Variants in SLC35A1 observed in about 807,000 individuals in gnomAD.
The protein encoded by SLC35A1 is solute carrier family 35 member A1.
Under a neutral mutation model 40.3 loss-of-function variants are expected in SLC35A1, and 21 were observed. The ratio of observed to expected loss-of-function variants is 0.52; its 90% CI spans 0.37 to 0.75. The LOEUF is 0.75. Ranked by LOEUF, SLC35A1 falls within the 30% of genes least tolerant of loss-of-function variation. The pLI, the probability that SLC35A1 is intolerant of heterozygous loss-of-function variation, is 0.00. For synonymous variants in SLC35A1, 146 were observed against 147.3 expected (o/e 0.99, Z 0.06); for missense variants, 297 against 382.1 (o/e 0.78, Z 1.86).
chr6:87,508,560 T>C lies in SLC35A1; in HGVS notation c.715T>C (p.Phe239Leu), dbSNP rs760842576. ...DGAEIKEKGF[F>L]YGYTYYVWFV... Reference sequence around the variant, plus strand: ...AGCTGAAATTAAAGAAAAAGGATTTTTCTATGGTTACACATATTATGTCTG... The same window carrying C: ...AGCTGAAATTAAAGAAAAAGGATTTCTCTATGGTTACACATATTATGTCTG... The change falls in exon 6 of 8, where the codon TTC (phenylalanine) becomes CTC (leucine). Residue 239 changes from phenylalanine to leucine, a missense_variant. By Grantham distance (22) the Phe-to-Leu change is conservative. Transcript: ENST00000369552. 1 of 1,613,230 alleles carries C rather than the reference T, an allele frequency of 6.2e-7. No individual in the cohort carries two copies. Among genetic ancestry groups the C allele is most frequent in the South Asian group, 1.1e-5 (1 of 91,046 alleles).
chr6:87,501,203 T>C lies in SLC35A1; in HGVS notation c.400T>C (p.Leu134=), dbSNP rs866423704. 8 of 1,613,988 alleles carry C rather than the reference T, an allele frequency of 5.0e-6. No homozygotes were observed. In the African/African-American group the frequency reaches 8.0e-5, roughly 16 times the overall value. The change falls in exon 4 of 8, where the codon TTA becomes CTA. Residue 134 remains leucine (L), a synonymous_variant. Transcript: ENST00000369552. ...TCCGTGTACTGCTTTATGCACTGTT[T>C]TAATGTTAAACCGGACACTCAGCAA... ...KIPCTALCTV[L]MLNRTLSKLQ...
intron 2 of SLC35A1, among the ~76,000 whole-genome samples, chr6:87,477,970 T>C (rs1004553040): frequency 7.2e-5 from 11 of 152,208 alleles, no homozygotes; most frequent in African/African-American, 2.4e-4. Context: ...AATTATTGAC[T>C]TGTGTTTTGG....
chr6:87,480,167 T>C (rs547072055), intron 2 of SLC35A1, among the ~76,000 whole-genome samples: 1 of 152,340 alleles, frequency 6.6e-6, no homozygotes, highest in African/African-American at 2.4e-5. Flanking sequence ...GCCAAATTTT[T>C]CCCCGTGTCG....
At chr6:87,509,340 G>T (rs1770183558) in intron 7 of SLC35A1, among the ~76,000 whole-genome samples, 165 bp downstream of exon 7, 1 of 152,156 alleles carries the variant, frequency 6.6e-6, no homozygotes, top group Non-Finnish European at 1.5e-5. Flanking sequence ...AGTTGTGTGG[G>T]ATGTGGCTAA....
chr6:87,487,843 ACT>A (rs533539591), intron 2 of SLC35A1, among the ~76,000 whole-genome samples: 187 of 152,258 alleles, frequency 1.2e-3, no homozygotes, highest in African/African-American at 4.4e-3. Flanking sequence ...ATTTTTTGCC[ACT>A]CTGCACATGT....
In SLC35A1 at chr6:87,512,175, C is replaced by CTGTT. The variant is rs945330216; in HGVS notation, c.*650_*653dup. The CTGTT allele has an allele frequency of 3.3e-5, 5 of 152,710 alleles. No individual in the cohort carries two copies. The highest frequency in any genetic ancestry group is 1.2e-4 in the African/African-American group (5 of 41,394). The allele number at this position is 152,710 out of a possible 1,614,324, so 9.5% of individuals were successfully genotyped here. On this transcript the variant is annotated 3_prime_UTR_variant, in exon 8 of 8. Coordinates refer to ENST00000369552, the MANE Select transcript of SLC35A1 (RefSeq NM_006416.5). ...TCATTATCTGGTTCATATTTCTTTTCTGTTAGATGATACACATTTCTTCAA... is the reference window on the plus strand; with the variant it reads ...TCATTATCTGGTTCATATTTCTTTTCTGTTTGTTAGATGATACACATTTCTTCAA...
chr6:87,477,089 G>A (rs1365760198), intron 1 of SLC35A1, among the ~76,000 whole-genome samples: 7 of 151,890 alleles, frequency 4.6e-5, no homozygotes, highest in Admixed American at 2.6e-4. Flanking sequence ...GAATCAGTAC[G>A]CTACATAGTC....
chr6:87,487,180 GA>G (rs1200570360), intron 2 of SLC35A1, among the ~76,000 whole-genome samples: 1 of 151,056 alleles, frequency 6.6e-6, no homozygotes, highest in African/African-American at 2.4e-5. Flanking sequence ...CGTCTCAAAA[GA>G]AAAAAAAGAA....
At chr6:87,508,927 G>C (rs1770171686) in intron 6 of SLC35A1, 114 bp from the exon 7 acceptor site, 2 of 1,136,314 alleles carry the variant, frequency 1.8e-6, no homozygotes, top group African/African-American at 1.5e-5. Flanking sequence ...AAGGAAAACA[G>C]TATTTTCCTT....
chr6:87,479,306 T>G (rs1218580700), intron 2 of SLC35A1, among the ~76,000 whole-genome samples: 2 of 152,218 alleles, frequency 1.3e-5, no homozygotes, highest in African/African-American at 4.8e-5. Context: ...TGGAGGATAG[T>G]TAAGGGAGGT....
intron 2 of SLC35A1, among the ~76,000 whole-genome samples, chr6:87,490,335 AT>A (rs55804456): frequency 4.6e-3 from 635 of 138,272 alleles, no homozygotes; most frequent in Admixed American, 6.3e-3. Context: ...TATTGTCATC[AT>A]TTTTTTTTTT....
intron 2 of SLC35A1, among the ~76,000 whole-genome samples, chr6:87,494,370 G>C (rs549816175): frequency 1.1e-4 from 16 of 151,894 alleles, no homozygotes; most frequent in African/African-American, 3.9e-4. Flanking sequence ...TTAGCAGTTG[G>C]ATATTGCGAA....
At chr6:87,476,955 G>GT (rs1358386571) in intron 1 of SLC35A1, among the ~76,000 whole-genome samples, 2 of 152,044 alleles carry the variant, frequency 1.3e-5, no homozygotes, top group Admixed American at 1.3e-4. Flanking sequence ...GGAGGTGGAG[G>GT]TTGCAGTGAG....
chr6:87,489,663 T>A (rs913707099), intron 2 of SLC35A1, among the ~76,000 whole-genome samples: 6 of 149,344 alleles, frequency 4.0e-5, no homozygotes, highest in Admixed American at 6.7e-5. Flanking sequence ...TGCCTCAGTC[T>A]CCTGACTAGC....
Position 87,511,792 on chromosome 6 carries a change from G to A in SLC35A1, c.*266G>A, listed in dbSNP as rs763446925. On this transcript the variant is annotated 3_prime_UTR_variant, in exon 8 of 8. Transcript: ENST00000369552. ...TGTATATATAATTTGTAAATAAAAA[G>A]TATGGAGATGATACGGTGTTAAAAA... 2.3e-6 allele frequency: 1 copy of A among 434,094 alleles called. No individual in the cohort carries two copies. The highest frequency in any genetic ancestry group is 3.5e-5 in the Admixed American group (1 of 28,772). The allele number at this position is 434,094 out of a possible 1,614,324, so 26.9% of individuals were successfully genotyped here.
chr6:87,506,042 G>T (rs1380790213), intron 4 of SLC35A1, among the ~76,000 whole-genome samples: 1 of 152,106 alleles, frequency 6.6e-6, no homozygotes, highest in Non-Finnish European at 1.5e-5. Context: ...TCTTAAATTA[G>T]AGTGATAATA....
chr6:87,482,322 A>T (rs1769268577), intron 2 of SLC35A1, among the ~76,000 whole-genome samples: 2 of 147,322 alleles, frequency 1.4e-5, no homozygotes, highest in Non-Finnish European at 3.0e-5. Context: ...AGACTGCCTA[A>T]GGCCACAAGA....
chr6:87,473,414 C>T (rs924512887), intron 1 of SLC35A1, among the ~76,000 whole-genome samples: 1 of 152,194 alleles, frequency 6.6e-6, no homozygotes, highest in African/African-American at 2.4e-5. Context: ...GCTCCGGTCT[C>T]CTCTGCGCCT....
chr6:87,495,238 G>T (rs762664719), intron 2 of SLC35A1, among the ~76,000 whole-genome samples: 1 of 152,208 alleles, frequency 6.6e-6, no homozygotes, highest in Non-Finnish European at 1.5e-5. Context: ...GGGATTATAG[G>T]TGTGAGCCGC....
Sources: gnomAD v4.1 joint callset for allele counts (sites outside exome capture counted in the v4.1 genomes callset) on GRCh38, gnomAD v4.1.1 for gene constraint, MANE v1.5 for transcripts, NCBI Gene and HGNC (gene_info 2026-07-23, HGNC 2026-07-21) for gene names.